The following INO80 variants were observed in gnomAD, a reference collection of about 807,000 sequenced individuals.
INO80 encodes the protein INO80 complex ATPase subunit, also known as chromatin-remodeling ATPase INO80.
INO80 carries 20 observed loss-of-function variants against 203.4 expected under a neutral mutation model. The ratio of observed to expected loss-of-function variants is 0.10; its 90% CI spans 0.07 to 0.14. The LOEUF is 0.14. Among genes scored for constraint, INO80 ranks in the 10% least tolerant of loss-of-function variants. The pLI is 1.00. For missense variants in INO80, 1,419 were observed against 1,914.4 expected (o/e 0.74, Z 4.83); for synonymous variants, 726 against 685.2 (o/e 1.06, Z -0.93).
At chr15:41,029,134 T>C (rs2044421491) in intron 24 of INO80, among the ~76,000 whole-genome samples, 1 of 152,248 alleles carries the variant, frequency 6.6e-6, no homozygotes, top group African/African-American at 2.4e-5. Context: ...GTCTAATTTA[T>C]ACATTGTTGT....
At chr15:41,079,641 C>T (rs934468307) in intron 9 of INO80, 60 bp downstream of exon 9, 56 of 1,419,648 alleles carry the variant, frequency 3.9e-5, no homozygotes, top group Admixed American at 1.0e-4. Context: ...AAAATGCAAA[C>T]GAATCTCTTC....
At chr15:41,009,244 T>TA (rs1266178391) in intron 27 of INO80, among the ~76,000 whole-genome samples, 3 of 148,120 alleles carry the variant, frequency 2.0e-5, no homozygotes, top group East Asian at 4.0e-4. Context: ...TTTTTTTTTT[T>TA]ATTATACTTT....
At chr15:41,108,392 A>T (rs1478841090) in intron 1 of INO80, among the ~76,000 whole-genome samples, 1 of 151,822 alleles carries the variant, frequency 6.6e-6, no homozygotes, top group Non-Finnish European at 1.5e-5. Flanking sequence ...GATCTAGACC[A>T]TTCTGGCTAA....
At chr15:41,032,796 C>CT (rs975037188) in intron 24 of INO80, among the ~76,000 whole-genome samples, 3 of 152,048 alleles carry the variant, frequency 2.0e-5, no homozygotes, top group South Asian at 2.1e-4. Flanking sequence ...TCCCAGCACT[C>CT]TGGGCGGCTG....
At chr15:40,980,883 G>A (rs1055907140) in intron 35 of INO80, among the ~76,000 whole-genome samples, 1 of 152,162 alleles carries the variant, frequency 6.6e-6, no homozygotes, top group Non-Finnish European at 1.5e-5. Flanking sequence ...AGTCGGGCCA[G>A]AGGGTACAAG....
chr15:41,007,742 G>A (rs1297787891), intron 27 of INO80, among the ~76,000 whole-genome samples: 2 of 137,702 alleles, frequency 1.5e-5, no homozygotes, highest in Non-Finnish European at 3.1e-5. Flanking sequence ...AGTAAATTTA[G>A]AGTCTATTTC....
Position 41,116,194 on chromosome 15 carries a change from C to CCGGCGG in INO80, c.-271_-266dup, listed in dbSNP as rs1029529587. ...CGCTGAGGCGGCTGCGGGCGCTGGG[C>CCGGCGG]CGGCGGCGGCGGCGGCCACTTTCAC... On this transcript the variant is annotated 5_prime_UTR_variant, in exon 1 of 36. Coordinates refer to ENST00000648947, the MANE Select transcript of INO80 (RefSeq NM_017553.3). 8 of 409,578 alleles carry CCGGCGG rather than the reference C, an allele frequency of 2.0e-5. No homozygotes were observed. The highest frequency in any genetic ancestry group is 3.5e-5 in the East Asian group (1 of 28,450). The allele number at this position is 409,578 out of a possible 1,614,324, so 25.4% of individuals were successfully genotyped here.
rs2045292264 is a variant in INO80, at chr15:41,070,468, T to G, written c.1685A>C (p.Glu562Ala). The G allele has an allele frequency of 6.2e-7, 1 of 1,613,212 alleles. No homozygotes were observed. The highest frequency in any genetic ancestry group is 8.5e-7 in the Non-Finnish European group (1 of 1,179,286). The change falls in exon 13 of 36, where the codon GAG becomes GCG. Residue 562 changes from glutamate (E) to alanine (A), a missense_variant and splice_region_variant. By Grantham distance (107) the Glu-to-Ala change is moderately radical. Around this residue, in one of 9 missense-constraint regions of INO80, gnomAD observed 192 missense variants for 406.7 expected, o/e 0.47. Transcript: ENST00000648947. ...QSIALLAHLA[E>A]RENIWGPFLI... ...GATAGAAAGATTGCATCTACCCACCTCAGCCAGATGGGCCAGAAGGGCAAT... is the reference window on the plus strand; with the variant it reads ...GATAGAAAGATTGCATCTACCCACCGCAGCCAGATGGGCCAGAAGGGCAAT...
In INO80 at chr15:41,045,043, G is replaced by C; in HGVS notation, c.2768C>G (p.Ser923Cys). Residue 923 changes from serine to cysteine, a missense_variant, in exon 24 of 36, where the codon TCC (serine) becomes TGC (cysteine). Coordinates refer to ENST00000648947, the MANE Select transcript of INO80 (RefSeq NM_017553.3). ...GGAGCGTAGCTGATGGAGCCTGTAG[G>C]AGGCTTTCAGAGACAGGAAAAGAGC... is the stretch of plus-strand genomic sequence containing the variant. The part of the protein sequence containing the change: ...WLALFLSLKA[S>C]YRLHQLRSWG... 3 of 1,608,166 alleles carry C rather than the reference G, an allele frequency of 1.9e-6. No homozygotes were observed. The highest frequency in any genetic ancestry group is 2.5e-6 in the Non-Finnish European group (3 of 1,178,468).
chr15:41,073,347 C>T, intron 11 of INO80, 81 bp downstream of exon 11: 1 of 1,168,818 alleles, frequency 8.6e-7, no homozygotes, highest in Non-Finnish European at 1.3e-6. Flanking sequence ...GTGATTAAGA[C>T]TAAAGGAAGA....
intron 35 of INO80, 23 bp downstream of exon 35, chr15:40,982,839 G>A: frequency 7.6e-6 from 12 of 1,586,150 alleles, no homozygotes; most frequent in South Asian, 2.2e-5. Context: ...AACAAAGTCT[G>A]CAGCCACCCT....
At chr15:41,054,503 C>T (rs1249635232) in intron 18 of INO80, among the ~76,000 whole-genome samples, 2 of 152,052 alleles carry the variant, frequency 1.3e-5, no homozygotes, top group African/African-American at 4.8e-5. Context: ...TAAAAATGCT[C>T]ACAATGAAAA....
At chr15:41,035,370 C>G (rs546134602) in intron 24 of INO80, among the ~76,000 whole-genome samples, 11 of 152,002 alleles carry the variant, frequency 7.2e-5, no homozygotes, top group African/African-American at 2.7e-4. Context: ...AGGCCAAAAT[C>G]CAAAAATTAG....
In INO80 at chr15:41,086,409, G is replaced by A. The variant is rs139155436; in HGVS notation, c.659-826C>T. Among the ~76,000 whole-genome samples, 117 of 152,232 alleles carry A rather than the reference G, an allele frequency of 7.7e-4. 1 individual carries two copies. The East Asian group carries it at 0.021, about 28-fold the overall frequency. On this transcript the variant is annotated intron_variant, in intron 6 of 35. Transcript: ENST00000648947. ...CTCACGCCGGTAATCCCAGCACTTT[G>A]AGAGGCCAAGGCAGGCGGATCACCT...
At chr15:40,998,040 T>A (rs943191078) in intron 28 of INO80, among the ~76,000 whole-genome samples, 15 of 78,772 alleles carry the variant, frequency 1.9e-4, no homozygotes, top group African/African-American at 4.6e-4. Context: ...TTTTTTTTTT[T>A]AGACGTAGTC....
intron 1 of INO80, among the ~76,000 whole-genome samples, chr15:41,110,279 G>T (rs1449793172): frequency 2.0e-5 from 3 of 151,588 alleles, no homozygotes; most frequent in Non-Finnish European, 4.4e-5. Context: ...CAAGTAGCTG[G>T]GACTACAGGC....
At chr15:41,081,673 G>C (rs184083602) in intron 7 of INO80, among the ~76,000 whole-genome samples, 2 of 152,234 alleles carry the variant, frequency 1.3e-5, no homozygotes, top group African/African-American at 4.8e-5. Flanking sequence ...AAAAACAAAA[G>C]TCAGTACAGA....
At position 41,071,990 on chromosome 15, in the gene INO80, G is replaced by A. The variant is rs780222010; in HGVS notation, c.1464C>T (p.Gly488=). ...AAALRAANKS[G]TGFGESYSLA... is the part of the protein sequence containing the mutation. ...GGCTATAACTCTCCCCAAACCCAGTGCCAGACTTGTTTGCTGCCCGTAGGG... is the reference window on the plus strand; with the variant it reads ...GGCTATAACTCTCCCCAAACCCAGTACCAGACTTGTTTGCTGCCCGTAGGG... The change falls in exon 12 of 36, where the codon GGC becomes GGT. Residue 488 remains glycine (G), a synonymous_variant. Coordinates refer to ENST00000648947, the MANE Select transcript of INO80 (RefSeq NM_017553.3). 1.2e-6 allele frequency: 2 copies of A among 1,612,554 alleles called. No homozygotes were observed. The highest frequency in any genetic ancestry group is 2.7e-5 in the African/African-American group (2 of 74,504).
intron 24 of INO80, among the ~76,000 whole-genome samples, chr15:41,042,958 C>G (rs1465874557): frequency 6.6e-6 from 1 of 152,166 alleles, no homozygotes; most frequent in African/African-American, 2.4e-5. Context: ...AGTGTATACT[C>G]TAAACCACTA....
Sources: gnomAD v4.1 joint callset for allele counts (sites outside exome capture counted in the v4.1 genomes callset) on GRCh38, gnomAD v4.1.1 for gene constraint, gnomAD v4.1.1 regional missense constraint, MANE v1.5 for transcripts, NCBI Gene and HGNC (gene_info 2026-07-23, HGNC 2026-07-21) for gene names.